Variants in ATXN10 observed in about 807,000 individuals in gnomAD.
The protein encoded by ATXN10 is ataxin-10.
A neutral mutation model predicts 52.9 loss-of-function variants in ATXN10; 28 were observed. The observed-to-expected ratio is 0.53, with a 90% CI of 0.39 to 0.73. The LOEUF is 0.73. ATXN10 is among the 30% of genes least tolerant of loss of function. The pLI, the probability that ATXN10 is intolerant of heterozygous loss-of-function variation, is 0.00. For synonymous variants in ATXN10, 226 were observed against 221.5 expected (o/e 1.02, Z -0.18); for missense variants, 565 against 577.0 (o/e 0.98, Z 0.21).
At chr22:45,752,521 AC>A (rs1926014097) in intron 9 of ATXN10, among the ~76,000 whole-genome samples, 1 of 94,188 alleles carries the variant, frequency 1.1e-5, no homozygotes, top group Non-Finnish European at 2.0e-5. Context: ...ACAGTGCAGG[AC>A]CCAGTGGCAC....
rs952234580 is a variant in ATXN10 at position 45,770,447 on chromosome 22, G to A, written c.1173+29909G>A. ...TAATGGGACACACACGTGTGTTTCTGTGTCTGTGAATGTGTGTTGCAACAT... is the reference window on the plus strand; with the variant it reads ...TAATGGGACACACACGTGTGTTTCTATGTCTGTGAATGTGTGTTGCAACAT... On this transcript the variant is annotated intron_variant, in intron 9 of 11. Coordinates refer to ENST00000252934, the MANE Select transcript of ATXN10 (RefSeq NM_013236.4). The surrounding 1 kb of genome is among the most constrained non-coding windows in gnomAD (Gnocchi z 4.5). Among the ~76,000 whole-genome samples the A allele has an allele frequency of 6.6e-6, 1 of 152,222 alleles. No individual in the cohort carries two copies. Among genetic ancestry groups the A allele is most frequent in the African/African-American group, 2.4e-5 (1 of 41,458 alleles).
rs1158561241 is a variant in ATXN10, at chr22:45,727,753, A to C, written c.729-1672A>C. Among the ~76,000 whole-genome samples, 5 of 152,110 alleles carry C rather than the reference A, an allele frequency of 3.3e-5. No individual in the cohort carries two copies. Among genetic ancestry groups the C allele is most frequent in the Non-Finnish European group, 7.4e-5 (5 of 68,016 alleles). On this transcript the variant is annotated intron_variant, in intron 6 of 11. Transcript: ENST00000252934. This position sits in a 1 kb window ranked among gnomAD's most constrained non-coding sequence, Gnocchi z 4.6. ...TCTTAGGTCTAGTAACTGTTTTGTG[A>C]ATCTGGGAGCTTCAGAGTTAGGTGC...
At chr22:45,713,392 C>T (rs1475586133) in intron 5 of ATXN10, among the ~76,000 whole-genome samples, 1 of 152,146 alleles carries the variant, frequency 6.6e-6, no homozygotes, top group East Asian at 1.9e-4. Context: ...AGTGCTTTGG[C>T]ATCAACAATG....
At chr22:45,695,159 G>GTAAAAATACAAAAAAT (rs1923553893) in intron 3 of ATXN10, among the ~76,000 whole-genome samples, 1 of 150,620 alleles carries the variant, frequency 6.6e-6, no homozygotes, top group Non-Finnish European at 1.5e-5. Context: ...CCCGTCTCTA[G>GTAAAAATACAAAAAAT]TAAAAATACA....
Position 45,677,570 on chromosome 22 carries a change from A to G in ATXN10, c.116+5391A>G, listed in dbSNP as rs936675071. ...GGACTTAGAGAAGTATTTAAAATAT[A>G]TATGATAAAGAAGTTGTTTCAGAAT... is the stretch of plus-strand genomic sequence containing the variant. On this transcript the variant is annotated intron_variant, in intron 1 of 11. Transcript: ENST00000252934. The surrounding 1 kb of genome is among the most constrained non-coding windows in gnomAD (Gnocchi z 4.1). The G allele has an allele frequency of 6.6e-6, 1 of 151,936 alleles. No homozygotes were observed. Among genetic ancestry groups the G allele is most frequent in the African/African-American group, 2.4e-5 (1 of 41,406 alleles). 9.4% of individuals were successfully genotyped at this position (151,936 alleles called of 1,614,324 possible).
intron 10 of ATXN10, among the ~76,000 whole-genome samples, chr22:45,815,730 G>C (rs1188021835): frequency 2.0e-5 from 3 of 152,074 alleles, no homozygotes; most frequent in Non-Finnish European, 4.4e-5. Context: ...AGCTCTCCTG[G>C]CTTGTGATGG....
In ATXN10 at chr22:45,672,374, C is replaced by T. The variant is rs1488588851; in HGVS notation, c.116+195C>T. ...CTCGTGCTCGTGGGTCCCCGCGGGG[C>T]CTGGGGCGGGCGCCCCGCTCCCCCA... On this transcript the variant is annotated intron_variant, in intron 1 of 11. Coordinates refer to ENST00000252934, the MANE Select transcript of ATXN10 (RefSeq NM_013236.4). 1.0e-5 allele frequency: 5 copies of T among 487,890 alleles called. No homozygotes were observed. The East Asian group carries it at 2.2e-4, about 21-fold the overall frequency. 30.2% of individuals were successfully genotyped at this position (487,890 alleles called of 1,614,324 possible).
intron 10 of ATXN10, among the ~76,000 whole-genome samples, chr22:45,810,635 G>A (rs61289397): frequency 0.11 from 16,846 of 152,128 alleles, 1,034 homozygotes; most frequent in Middle Eastern, 0.16. Flanking sequence ...ATATCTGTCC[G>A]CTTATTTAGG....
chr22:45,679,114 C>G (rs1922815307), intron 1 of ATXN10: 1 of 152,192 alleles, frequency 6.6e-6, no homozygotes, highest in South Asian at 2.1e-4. Flanking sequence ...CCTTGGCACT[C>G]TGTGCTTACC....
At position 45,792,824 on chromosome 22, in the gene ATXN10, CAA is replaced by C. The variant is rs532526310; in HGVS notation, c.1174-14132_1174-14131del. ...CATTCTGTACTTTGAATAATGAGGC[CAA>C]AAGAGTCATTGGCTTTGGTGAAAAA... On this transcript the variant is annotated intron_variant, in intron 9 of 11. Coordinates refer to ENST00000252934, the MANE Select transcript of ATXN10 (RefSeq NM_013236.4). 3.8e-4 allele frequency: 204 copies of C among 529,880 alleles called. 1 individual carries two copies. Among genetic ancestry groups the C allele is most frequent in the South Asian group, 2.9e-3 (197 of 68,108 alleles). The allele number at this position is 529,880 out of a possible 1,614,324, so 32.8% of individuals were successfully genotyped here. A position where few individuals can be genotyped will look rare whatever the true frequency, so the allele number is the denominator to read the frequency against.
chr22:45,686,964 A>G (rs1365097372), intron 1 of ATXN10, among the ~76,000 whole-genome samples: 1 of 152,192 alleles, frequency 6.6e-6, no homozygotes, highest in Non-Finnish European at 1.5e-5. Flanking sequence ...CATGGTTTAC[A>G]ACCTGGGGAG....
chr22:45,823,229 G>C lies in ATXN10; in HGVS notation c.1237+16207G>C, dbSNP rs1261064330. Reference sequence around the variant, plus strand: ...AATCCCCAGATGTAACTTCTGTTCTGACTTCTATGATGTTTTAATGAATAA... The same window carrying C: ...AATCCCCAGATGTAACTTCTGTTCTCACTTCTATGATGTTTTAATGAATAA... On this transcript the variant is annotated intron_variant, in intron 10 of 11. Coordinates refer to ENST00000252934, the MANE Select transcript of ATXN10 (RefSeq NM_013236.4). This position sits in a 1 kb window ranked among gnomAD's most constrained non-coding sequence, Gnocchi z 4.9. 1 of 468,488 alleles carries C rather than the reference G, an allele frequency of 2.1e-6. No individual in the cohort carries two copies. The allele number at this position is 468,488 out of a possible 1,614,324, so 29.0% of individuals were successfully genotyped here.
intron 9 of ATXN10, among the ~76,000 whole-genome samples, chr22:45,764,041 CT>C (rs1926494667): frequency 6.6e-6 from 1 of 152,268 alleles, no homozygotes; most frequent in African/African-American, 2.4e-5. Flanking sequence ...GGCAGCCTCT[CT>C]GCTTCTCCCT....
Position 45,701,528 on chromosome 22 carries a change from A to T in ATXN10, c.488+1150A>T, listed in dbSNP as rs1923845057. ...AAGAGTTGAAGGTGTATATATATTA[A>T]TGTTACATATATTAATGATATTTGA... On this transcript the variant is annotated intron_variant, in intron 4 of 11. Coordinates refer to ENST00000252934, the MANE Select transcript of ATXN10 (RefSeq NM_013236.4). The surrounding 1 kb of genome is among the most constrained non-coding windows in gnomAD (Gnocchi z 4.2). Among the ~76,000 whole-genome samples the T allele has an allele frequency of 6.6e-6, 1 of 152,320 alleles. No homozygotes were observed. Among genetic ancestry groups the T allele is most frequent in the Admixed American group, 6.5e-5 (1 of 15,308 alleles).
chr22:45,672,283 C>T (rs1468485503), intron 1 of ATXN10, 104 bp downstream of exon 1: 4 of 1,179,602 alleles, frequency 3.4e-6, no homozygotes, highest in Non-Finnish European at 4.2e-6. Flanking sequence ...TCGCTGGAGA[C>T]GCGGAGGGCG....
At chr22:45,751,763 A>AT (rs1555892689) in intron 9 of ATXN10, among the ~76,000 whole-genome samples, 1 of 66,630 alleles carries the variant, frequency 1.5e-5, no homozygotes, top group South Asian at 3.8e-4. Flanking sequence ...AATAAAAAAA[A>AT]AATAATAATA....
chr22:45,729,350 T>G, intron 6 of ATXN10, 75 bp from the exon 7 acceptor site: 1 of 1,452,656 alleles, frequency 6.9e-7, no homozygotes, highest in Non-Finnish European at 9.6e-7. Flanking sequence ...CCCTTAAAGT[T>G]GCTTTCCTAG....
chr22:45,719,092 G>A (rs1004949057), intron 6 of ATXN10, among the ~76,000 whole-genome samples: 1 of 151,574 alleles, frequency 6.6e-6, no homozygotes, highest in Non-Finnish European at 1.5e-5. Flanking sequence ...AAGGTACAAG[G>A]GATTCAGTTT....
Position 45,763,270 on chromosome 22 carries a change from T to A in ATXN10, c.1173+22732T>A, listed in dbSNP as rs1196217855. 3.9e-5 allele frequency among the ~76,000 whole-genome samples: 6 copies of A among 151,964 alleles called. No individual in the cohort carries two copies. Among genetic ancestry groups the A allele is most frequent in the Non-Finnish European group, 8.8e-5 (6 of 67,958 alleles). On this transcript the variant is annotated intron_variant, in intron 9 of 11. Transcript: ENST00000252934. The surrounding 1 kb of genome is among the most constrained non-coding windows in gnomAD (Gnocchi z 6.9). Reference sequence around the variant, plus strand: ...GTGAGGTGGTGAGGTGGGCCTGGCGTGTTCAAGGCAGAGAAGGAAGGAACG... The same window carrying A: ...GTGAGGTGGTGAGGTGGGCCTGGCGAGTTCAAGGCAGAGAAGGAAGGAACG...
Sources: allele counts gnomAD v4.1 joint callset (sites outside exome capture counted in the v4.1 genomes callset), GRCh38; gene constraint gnomAD v4.1.1; non-coding constraint Gnocchi (gnomAD v3.1); transcripts MANE v1.5; gene names NCBI Gene and HGNC (gene_info 2026-07-23, HGNC 2026-07-21).